PRIM2: variants seen among roughly 807,000 people sequenced by gnomAD.
PRIM2 encodes the protein DNA primase large subunit.
Under a neutral mutation model 67.3 loss-of-function variants are expected in PRIM2, and 39 were observed. The ratio of observed to expected loss-of-function variants is 0.58; its 90% CI spans 0.45 to 0.76. The LOEUF (loss-of-function observed/expected upper bound fraction) is 0.76, where lower values mean the gene tolerates loss of function less well. Ranked by LOEUF, PRIM2 falls within the 30% of genes least tolerant of loss-of-function variation. PRIM2 has a pLI of 0.00. For synonymous variants in PRIM2, 143 were observed against 198.7 expected, an observed-to-expected ratio of 0.72 and a Z score of 2.36; for missense variants, 398 against 598.7, an observed-to-expected ratio of 0.66 and a Z score of 3.50.
At chr6:57,297,328 G>C in the PRIM2 span, among the ~76,000 whole-genome samples, 1 of 152,090 alleles carries the variant, frequency 6.6e-6, no homozygotes, top group Non-Finnish European at 1.5e-5. Flanking sequence ...TGTAATCCCA[G>C]CTACTCGGGA....
At chr6:57,456,405 C>T (rs527304873) in intron 7 of PRIM2, among the ~76,000 whole-genome samples, 1 of 152,138 alleles carries the variant, frequency 6.6e-6, no homozygotes, top group Non-Finnish European at 1.5e-5. Flanking sequence ...CCATTCTCCC[C>T]ATCACTTTCA....
chr6:57,597,691 C>T (rs1354280655), intron 10 of PRIM2, among the ~76,000 whole-genome samples: 5 of 152,018 alleles, frequency 3.3e-5, no homozygotes, highest in East Asian at 3.9e-4. Flanking sequence ...GTTTCTCTGC[C>T]TCCAAAGCCT....
intron 7 of PRIM2, among the ~76,000 whole-genome samples, chr6:57,399,756 C>G (rs1339975500): frequency 4.0e-5 from 6 of 151,428 alleles, no homozygotes; most frequent in East Asian, 1.9e-4. Context: ...GATGGTATCT[C>G]ATTGTGGTTT....
chr6:57,619,778 T>C (rs1411059434), intron 12 of PRIM2, among the ~76,000 whole-genome samples: 1 of 152,190 alleles, frequency 6.6e-6, no homozygotes, highest in East Asian at 1.9e-4. Context: ...TATGTTAAAC[T>C]ACCAAACCTA....
chr6:57,337,244 C>A (rs1330265891), intron 5 of PRIM2, among the ~76,000 whole-genome samples: 3 of 152,052 alleles, frequency 2.0e-5, no homozygotes, highest in Non-Finnish European at 4.4e-5. Flanking sequence ...GACTTAGACT[C>A]CCACACATTA....
At chr6:57,638,114 G>T (rs1777156913) in intron 13 of PRIM2, among the ~76,000 whole-genome samples, 1 of 152,158 alleles carries the variant, frequency 6.6e-6, no homozygotes, top group Non-Finnish European at 1.5e-5. Context: ...TTAAAGAAAA[G>T]AATTTTCAAC....
chr6:57,566,478 C>T (rs1337141327), intron 10 of PRIM2, among the ~76,000 whole-genome samples: 2 of 152,138 alleles, frequency 1.3e-5, no homozygotes, highest in African/African-American at 4.8e-5. Flanking sequence ...TTGGCTTCCT[C>T]AGAAATAAAT....
chr6:57,471,927 G>A (rs1453873877), intron 7 of PRIM2, among the ~76,000 whole-genome samples: 5 of 151,808 alleles, frequency 3.3e-5, no homozygotes, highest in African/African-American at 1.2e-4. Flanking sequence ...AAAGATGAAA[G>A]GTATTATAAA....
At chr6:57,279,288 A>G in the PRIM2 span, among the ~76,000 whole-genome samples, 1 of 152,150 alleles carries the variant, frequency 6.6e-6, no homozygotes, top group African/African-American at 2.4e-5. Flanking sequence ...TCTTTTTTTA[A>G]CTTATGGAAA....
chr6:57,638,143 C>T (rs1777157340), intron 13 of PRIM2, among the ~76,000 whole-genome samples: 1 of 152,052 alleles, frequency 6.6e-6, no homozygotes, highest in Admixed American at 6.5e-5. Context: ...TCATATGCAG[C>T]CAAACTAACC....
At chr6:57,585,458 C>T (rs1776172136) in intron 10 of PRIM2, among the ~76,000 whole-genome samples, 1 of 152,020 alleles carries the variant, frequency 6.6e-6, no homozygotes, top group South Asian at 2.1e-4. Flanking sequence ...GATTTATAGC[C>T]AAAGAGCAAG....
At chr6:57,536,080 T>C (rs1774995720) in intron 9 of PRIM2, among the ~76,000 whole-genome samples, 1 of 152,178 alleles carries the variant, frequency 6.6e-6, no homozygotes, top group Non-Finnish European at 1.5e-5. Context: ...AGGGAGGATA[T>C]AGGTCTGAAT....
At chr6:57,505,983 T>C (rs1260741730) in intron 7 of PRIM2, among the ~76,000 whole-genome samples, 46 of 151,992 alleles carry the variant, frequency 3.0e-4, no homozygotes, top group Non-Finnish European at 5.9e-5. Flanking sequence ...ACAATGAAAA[T>C]GGCATTTTGT....
rs1768513138 is a variant in PRIM2, at chr6:57,342,109, GGT to G, written c.459+16067_459+16068del. ...ACATAAAAAGGGATCATTAATTTCT[GGT>G]GTTCTATTACTGACTTGGGCAGTGC... On this transcript the variant is annotated intron_variant, in intron 5 of 13. Coordinates refer to ENST00000615550, the MANE Select transcript of PRIM2 (RefSeq NM_000947.5). 2.0e-5 allele frequency among the ~76,000 whole-genome samples: 3 copies of G among 152,104 alleles called. No individual in the cohort carries two copies. The South Asian group carries it at 6.2e-4, about 32-fold the overall frequency.
intron 7 of PRIM2, among the ~76,000 whole-genome samples, chr6:57,494,305 T>C (rs1773958940): frequency 6.6e-6 from 1 of 152,218 alleles, no homozygotes; most frequent in Admixed American, 6.5e-5. Context: ...GCAGTTGTTA[T>C]AATAGCTACA....
intron 13 of PRIM2, among the ~76,000 whole-genome samples, chr6:57,638,201 G>A (rs1582032155): frequency 1.3e-5 from 2 of 152,180 alleles, no homozygotes. Flanking sequence ...AGCAAATGCT[G>A]AGAGATTTTG....
chr6:57,496,002 TC>T (rs1234290626), intron 7 of PRIM2, among the ~76,000 whole-genome samples: 1 of 152,192 alleles, frequency 6.6e-6, no homozygotes, highest in Non-Finnish European at 1.5e-5. Context: ...TGCCTGGGCC[TC>T]CCTAAGTGCT....
At chr6:57,340,250 A>T (rs199736839) in intron 5 of PRIM2, among the ~76,000 whole-genome samples, 54 of 152,278 alleles carry the variant, frequency 3.5e-4, no homozygotes, top group East Asian at 1.5e-3. Context: ...ACTTTTACAC[A>T]GTTGGTGGGA....
At chr6:57,300,953 T>C in the PRIM2 span, among the ~76,000 whole-genome samples, 1 of 152,212 alleles carries the variant, frequency 6.6e-6, no homozygotes, top group African/African-American at 2.4e-5. Flanking sequence ...AGGTAACTGA[T>C]TTCAAACACA....
Sources: gnomAD v4.1 joint callset for allele counts (sites outside exome capture counted in the v4.1 genomes callset) on GRCh38, gnomAD v4.1.1 for gene constraint, MANE v1.5 for transcripts, NCBI Gene and HGNC (gene_info 2026-07-23, HGNC 2026-07-21) for gene names.